The following BEND6 variants were observed in gnomAD, a reference collection of about 807,000 sequenced individuals.
The protein encoded by BEND6 is BEN domain containing 6, also known as BEN domain-containing protein 6.
BEND6 carries 24 observed loss-of-function variants against 31.8 expected under a neutral mutation model. The observed-to-expected ratio is 0.75, with a 90% CI of 0.55 to 1.06. The LOEUF is 1.06. BEND6 is among the 50% of genes least tolerant of loss of function. BEND6 has a pLI of 0.00. For missense variants in BEND6, 294 were observed against 327.4 expected, an observed-to-expected ratio of 0.90 and a Z score of 0.79; for synonymous variants, 109 against 114.6, an observed-to-expected ratio of 0.95 and a Z score of 0.31.
chr6:56,963,832 TATA>T (rs59723335), intron 1 of BEND6, among the ~76,000 whole-genome samples: 18,682 of 147,502 alleles, frequency 0.13, 1,383 homozygotes, highest in Middle Eastern at 0.2. Context: ...AATAAATTAA[TATA>T]ATATAACTAA....
rs1327897656 is a variant in BEND6, at chr6:56,955,240, G to GCGGGTGCATTGGC, written c.-313_-301dup. On this transcript the variant is annotated 5_prime_UTR_variant, in exon 1 of 7. Transcript: ENST00000370746. ...GGCCGCCCGCCAGTCCGCGCCGTCC[G>GCGGGTGCATTGGC]CGGGTGCATTGGCCGGGTGCCTCTA... The GCGGGTGCATTGGC allele has an allele frequency of 1.7e-4, 26 of 152,130 alleles. No homozygotes were observed. The highest frequency in any genetic ancestry group is 5.5e-4 in the African/African-American group (23 of 41,550). The allele number at this position is 152,130 out of a possible 1,614,324, so 9.4% of individuals were successfully genotyped here. A position where few individuals can be genotyped will look rare whatever the true frequency, so the allele number is the denominator to read the frequency against.
chr6:56,973,777 C>T (rs976241093), intron 1 of BEND6, among the ~76,000 whole-genome samples: 20 of 152,206 alleles, frequency 1.3e-4, no homozygotes, highest in Non-Finnish European at 2.1e-4. Flanking sequence ...TTTTTTGAGA[C>T]AGGGTCTCAT....
chr6:56,965,300 T>C (rs1202515479), intron 1 of BEND6, among the ~76,000 whole-genome samples: 1 of 152,110 alleles, frequency 6.6e-6, no homozygotes, highest in Non-Finnish European at 1.5e-5. Context: ...ATTTATTAAG[T>C]AAATTATCTA....
intron 3 of BEND6, among the ~76,000 whole-genome samples, chr6:56,993,036 T>C (rs1826568314): frequency 6.6e-6 from 1 of 152,018 alleles, no homozygotes; most frequent in Admixed American, 6.6e-5. Context: ...GGGAAGAGTG[T>C]CTTGGGAAAA....
intron 1 of BEND6, among the ~76,000 whole-genome samples, chr6:56,973,425 A>C (rs1037878627): frequency 6.6e-6 from 1 of 152,100 alleles, no homozygotes; most frequent in Non-Finnish European, 1.5e-5. Flanking sequence ...GTTGTACCGA[A>C]CTCTATATAT....
In BEND6 at chr6:56,968,936, G is replaced by A. The variant is rs147592175; in HGVS notation, c.-100-12775G>A. Among the ~76,000 whole-genome samples, 826 of 152,014 alleles carry A rather than the reference G, an allele frequency of 5.4e-3. 9 individuals are homozygous for A. Among genetic ancestry groups the A allele is most frequent in the African/African-American group, 0.018 (762 of 41,478 alleles). ...TAAAAATAAAAAAAATTAGCCAGCC[G>A]TGGTGGCAGGCGCCAGTAATCCTAG... is the stretch of plus-strand genomic sequence containing the variant. On this transcript the variant is annotated intron_variant, in intron 1 of 6. Transcript: ENST00000370746.
chr6:57,009,000 T>G (rs928069994), intron 3 of BEND6: 5 of 152,214 alleles, frequency 3.3e-5, no homozygotes, highest in Non-Finnish European at 5.9e-5. Flanking sequence ...GGATGATCAT[T>G]ATGTTAAGTG....
At chr6:56,982,834 A>G (rs1826118249) in intron 2 of BEND6, among the ~76,000 whole-genome samples, 2 of 152,174 alleles carry the variant, frequency 1.3e-5, no homozygotes, top group South Asian at 4.1e-4. Flanking sequence ...ATCAAATATG[A>G]ATATACATTC....
intron 3 of BEND6, chr6:57,014,669 A>G (rs1827466298): frequency 1.6e-6 from 1 of 627,360 alleles, no homozygotes; most frequent in African/African-American, 1.9e-5. Flanking sequence ...TAAACCATAC[A>G]CGAAGGTCAT....
chr6:56,982,553 G>T (rs1370359187), intron 2 of BEND6, among the ~76,000 whole-genome samples: 1 of 151,866 alleles, frequency 6.6e-6, no homozygotes, highest in Non-Finnish European at 1.5e-5. Context: ...CAATCAATAT[G>T]TTTATTTCTG....
chr6:56,991,526 T>C (rs907585985), intron 2 of BEND6, among the ~76,000 whole-genome samples: 2 of 152,110 alleles, frequency 1.3e-5, no homozygotes, highest in African/African-American at 2.4e-5. Context: ...CACGCCTGGC[T>C]AATTTTTATA....
chr6:57,003,864 G>T (rs370123449), intron 3 of BEND6, among the ~76,000 whole-genome samples: 1 of 152,094 alleles, frequency 6.6e-6, no homozygotes, highest in Admixed American at 6.6e-5. Flanking sequence ...TGAATATAAG[G>T]TTGGTTCAAC....
intron 1 of BEND6, among the ~76,000 whole-genome samples, chr6:56,965,142 G>C (rs997027897): frequency 4.6e-5 from 7 of 152,080 alleles, no homozygotes; most frequent in Admixed American, 2.6e-4. Context: ...CCTTCATAGG[G>C]ATAGGGAAAT....
At position 57,017,399 on chromosome 6, in the gene BEND6, G is replaced by A; in HGVS notation, c.712G>A (p.Gly238Arg). 1 of 1,347,576 alleles carries A rather than the reference G, an allele frequency of 7.4e-7. No homozygotes were observed. Among genetic ancestry groups the A allele is most frequent in the Middle Eastern group, 2.0e-4 (1 of 5,058 alleles). The allele number at this position is 1,347,576 out of a possible 1,614,324, so 83.5% of individuals were successfully genotyped here. A position where few individuals can be genotyped will look rare whatever the true frequency, so the allele number is the denominator to read the frequency against. Residue 238 changes from glycine to arginine, a missense_variant and splice_region_variant, in exon 5 of 7, where the codon GGA becomes AGA. Coordinates refer to ENST00000370746, the MANE Select transcript of BEND6 (RefSeq NM_152731.3). Reference sequence around the variant, plus strand: ...TCAGAATGAAGTCCAAGAAATCATAGGTGATAATATGATTGCGTTATATTG... The same window carrying A: ...TCAGAATGAAGTCCAAGAAATCATAAGTGATAATATGATTGCGTTATATTG... The part of the protein sequence containing the change: ...MNQNEVQEII[G>R]VTKQLFPNTD...
intron 1 of BEND6, among the ~76,000 whole-genome samples, chr6:56,956,254 T>G (rs1188511770): frequency 1.3e-5 from 2 of 152,254 alleles, no homozygotes; most frequent in African/African-American, 4.8e-5. Context: ...GAATATTTAA[T>G]AGACTGAAGA....
intron 2 of BEND6, among the ~76,000 whole-genome samples, chr6:56,989,862 CT>C (rs1365903442): frequency 1.3e-5 from 2 of 152,114 alleles, no homozygotes; most frequent in Non-Finnish European, 2.9e-5. Flanking sequence ...TGTTTTTTCA[CT>C]TTCTTTAATG....
At chr6:56,975,186 A>G (rs184247399) in intron 1 of BEND6, among the ~76,000 whole-genome samples, 2 of 152,310 alleles carry the variant, frequency 1.3e-5, no homozygotes, top group Admixed American at 1.3e-4. Context: ...TCAGCTGTCC[A>G]GAGTTCTCAG....
chr6:57,006,590 A>G (rs1222996016), intron 3 of BEND6, among the ~76,000 whole-genome samples: 1 of 152,214 alleles, frequency 6.6e-6, no homozygotes, highest in Non-Finnish European at 1.5e-5. Flanking sequence ...TTAAAACTCC[A>G]TGTTCTGATT....
chr6:56,993,814 C>T (rs1826599414), intron 3 of BEND6, among the ~76,000 whole-genome samples: 1 of 152,156 alleles, frequency 6.6e-6, no homozygotes, highest in South Asian at 2.1e-4. Flanking sequence ...CCTCCTGCCT[C>T]AGCCTCCTGA....
Sources: allele counts gnomAD v4.1 joint callset (sites outside exome capture counted in the v4.1 genomes callset), GRCh38; gene constraint gnomAD v4.1.1; transcripts MANE v1.5; gene names NCBI Gene and HGNC (gene_info 2026-07-23, HGNC 2026-07-21).